Variants in STAG2 observed in about 807,000 individuals in gnomAD.
The protein encoded by STAG2 is STAG2 cohesin complex component.
Under a neutral mutation model 108.1 loss-of-function variants are expected in STAG2, and 14 were observed. The ratio of observed to expected loss-of-function variants is 0.13; its 90% CI spans 0.09 to 0.20. STAG2 has a LOEUF of 0.20. Among genes scored for constraint, STAG2 ranks in the 10% least tolerant of loss-of-function variants. The pLI is 1.00. For synonymous variants in STAG2, 307 were observed against 302.7 expected (o/e 1.01, Z -0.15); for missense variants, 440 against 940.9 (o/e 0.47, Z 6.96).
At chrX:124,045,993 T>G (rs2057865092) in intron 8 of STAG2, among the ~76,000 whole-genome samples, 1 of 111,388 alleles carries the variant, frequency 9.0e-6, no homozygotes, top group Admixed American at 9.6e-5. Flanking sequence ...TCTTTGATCT[T>G]TAAAGTTTAA....
intron 29 of STAG2, among the ~76,000 whole-genome samples, chrX:124,085,033 G>C (rs1455268429): frequency 8.9e-6 from 1 of 112,038 alleles, no homozygotes; most frequent in African/African-American, 3.2e-5. Flanking sequence ...AATGATGGCT[G>C]TTTGATTGTT....
chrX:123,971,806 C>T (rs1230254204), intron 1 of STAG2, among the ~76,000 whole-genome samples: 2 of 111,470 alleles, frequency 1.8e-5, no homozygotes, highest in East Asian at 5.6e-4. Flanking sequence ...ACTGAGAAGA[C>T]AGTAGAAAGA....
At chrX:124,029,976 C>A (rs889317901) in intron 4 of STAG2, among the ~76,000 whole-genome samples, 1 of 110,500 alleles carries the variant, frequency 9.0e-6, no homozygotes, top group Non-Finnish European at 1.9e-5. Flanking sequence ...CCCCACCCCC[C>A]ACCAATACTG....
chrX:124,074,181 C>T (rs1454887210), intron 25 of STAG2, among the ~76,000 whole-genome samples: 2 of 112,329 alleles, frequency 1.8e-5, no homozygotes, highest in African/African-American at 3.2e-5. Flanking sequence ...CCTCAGTATC[C>T]GGGATTATAG....
intron 30 of STAG2, among the ~76,000 whole-genome samples, chrX:124,088,741 A>C (rs776501994): frequency 9.5e-4 from 101 of 106,862 alleles, no homozygotes; most frequent in Non-Finnish European, 1.6e-3. Context: ...CAGCCTCCCA[A>C]GTAGCTGGGA....
intron 1 of STAG2, among the ~76,000 whole-genome samples, chrX:123,994,435 T>C (rs975785227): frequency 9.0e-6 from 1 of 111,727 alleles, no homozygotes; most frequent in African/African-American, 3.3e-5. Flanking sequence ...ACAAACCATA[T>C]CTAACCCAAA....
intron 1 of STAG2, among the ~76,000 whole-genome samples, chrX:123,976,293 A>G (rs1201842342): frequency 2.7e-5 from 3 of 112,092 alleles, no homozygotes; most frequent in Non-Finnish European, 5.6e-5. Context: ...ATTTAAAAAG[A>G]TGAAATTAAA....
At chrX:124,041,523 T>C (rs988109590) in intron 6 of STAG2, among the ~76,000 whole-genome samples, 1 of 111,532 alleles carries the variant, frequency 9.0e-6, no homozygotes, top group African/African-American at 3.3e-5. Flanking sequence ...ATAAATCTCA[T>C]CTTCTTGTAC....
chrX:124,026,128 AAATAATAATAATAATAATAAT>A (rs57097416), intron 4 of STAG2, among the ~76,000 whole-genome samples: 2 of 88,946 alleles, frequency 2.2e-5, no homozygotes, highest in South Asian at 1.2e-3. Flanking sequence ...GTAAAGTTGC[AAATAATAATAATAATAATAAT>A]AATAATAATA....
chrX:124,050,454 A>G, intron 11 of STAG2, 145 bp downstream of exon 11: 1 of 660,005 alleles, frequency 1.5e-6, no homozygotes, highest in South Asian at 5.6e-5. Flanking sequence ...TCTCTGTAAA[A>G]ACTTATTTTC....
intron 1 of STAG2, among the ~76,000 whole-genome samples, chrX:124,016,158 T>A (rs1217872108): frequency 9.0e-6 from 1 of 110,699 alleles, no homozygotes; most frequent in Admixed American, 9.7e-5. Flanking sequence ...TTTTTTCTCC[T>A]GAGGACAGTC....
chrX:123,998,333 A>ATTTTT (rs774285658), intron 1 of STAG2, among the ~76,000 whole-genome samples: 1 of 93,485 alleles, frequency 1.1e-5, no homozygotes, highest in Non-Finnish European at 2.2e-5. Context: ...TGCCCAACTA[A>ATTTTT]TTTTTTTTTT....
intron 28 of STAG2, among the ~76,000 whole-genome samples, chrX:124,081,797 T>G (rs1281280484): frequency 3.6e-5 from 4 of 111,413 alleles, no homozygotes; most frequent in African/African-American, 1.3e-4. Context: ...GCCAGTAGTT[T>G]GAGAACAGCC....
At chrX:123,980,937 AGT>A (rs1203192541) in intron 1 of STAG2, among the ~76,000 whole-genome samples, 5 of 111,448 alleles carry the variant, frequency 4.5e-5, no homozygotes, top group African/African-American at 1.3e-4. Context: ...ATGTGAAATA[AGT>A]GTGTAGGCAA....
intron 5 of STAG2, among the ~76,000 whole-genome samples, chrX:124,032,495 T>C (rs957793369): frequency 1.2e-4 from 13 of 111,049 alleles, no homozygotes; most frequent in Admixed American, 9.6e-5. Context: ...AATTTCAACT[T>C]TTAGATACAG....
chrX:124,071,397 C>T (rs765105010), intron 25 of STAG2, 74 bp downstream of exon 25: 19 of 798,587 alleles, frequency 2.4e-5, no homozygotes, highest in African/African-American at 1.9e-4. Context: ...TGATGTACAT[C>T]GGTGCACTAA....
At chrX:124,002,727 C>T (rs1402326511) in intron 1 of STAG2, among the ~76,000 whole-genome samples, 1 of 110,552 alleles carries the variant, frequency 9.0e-6, no homozygotes, top group Non-Finnish European at 1.9e-5. Context: ...CAGGTTCAAG[C>T]GATTCTCCTG....
chrX:124,076,589 T>A (rs1603132564), intron 26 of STAG2, 118 bp downstream of exon 26: 1 of 707,515 alleles, frequency 1.4e-6, no homozygotes, highest in African/African-American at 2.2e-5. Context: ...AGTTGTATTT[T>A]AAAATATTTA....
At position 124,090,706 on chromosome X, in the gene STAG2, A is replaced by G; in HGVS notation, c.3409A>G (p.Ser1137Gly). ...GCCCAAAAGATTACGGCCTGAGGAT[A>G]GCTTCATGAGTGTTTATCCAATGCA... ...REPKRLRPED[S>G]FMSVYPMQTE... Residue 1137 changes from serine (S) to glycine (G), a missense_variant, in exon 31 of 35, where the codon AGC becomes GGC. This residue lies in a region of STAG2 where 337 missense variants were observed against 649.3 expected (regional missense o/e 0.52). Transcript: ENST00000371145. 2 of 1,211,913 alleles carry G rather than the reference A, an allele frequency of 1.7e-6. No homozygotes were observed. The highest frequency in any genetic ancestry group is 2.2e-6 in the Non-Finnish European group (2 of 895,501).
Sources: allele counts gnomAD v4.1 joint callset (sites outside exome capture counted in the v4.1 genomes callset), GRCh38; gene constraint gnomAD v4.1.1; regional missense constraint gnomAD v4.1.1; transcripts MANE v1.5; gene names NCBI Gene and HGNC (gene_info 2026-07-23, HGNC 2026-07-21).